PSMD12: variants seen among roughly 807,000 people sequenced by gnomAD.
PSMD12 encodes the protein 26S proteasome non-ATPase regulatory subunit 12.
A neutral mutation model predicts 62.9 loss-of-function variants in PSMD12; 8 were observed. The observed-to-expected ratio is 0.13, with a 90% CI of 0.07 to 0.23. The LOEUF (loss-of-function observed/expected upper bound fraction) is 0.23. Ranked by LOEUF, PSMD12 falls within the 10% of genes least tolerant of loss-of-function variation. PSMD12 has a pLI of 1.00. For missense variants in PSMD12, 424 were observed against 550.2 expected (o/e 0.77, Z 2.29); for synonymous variants, 173 against 187.4 (o/e 0.92, Z 0.63).
intron 5 of PSMD12, among the ~76,000 whole-genome samples, 166 bp downstream of exon 5, chr17:67,348,384 G>T (rs77794831): frequency 1.3e-5 from 2 of 152,250 alleles, no homozygotes; most frequent in East Asian, 3.9e-4. Context: ...ATGAGGAAAT[G>T]ACAATTTTCA....
At chr17:67,352,181 T>C (rs554799339) in intron 3 of PSMD12, among the ~76,000 whole-genome samples, 2 of 152,100 alleles carry the variant, frequency 1.3e-5, no homozygotes, top group South Asian at 4.2e-4. Flanking sequence ...CTACCTCAAA[T>C]TCCTGGGCTC....
In PSMD12 at chr17:67,340,696, G is replaced by A. The variant is rs2041905001; in HGVS notation, c.*147C>T. 1.8e-6 allele frequency: 1 copy of A among 544,640 alleles called. No homozygotes were observed. Among genetic ancestry groups the A allele is most frequent in the Middle Eastern group, 3.0e-4 (1 of 3,322 alleles). 33.7% of individuals were successfully genotyped at this position (544,640 alleles called of 1,614,324 possible). On this transcript the variant is annotated 3_prime_UTR_variant, in exon 11 of 11. Transcript: ENST00000356126. Reference sequence around the variant, plus strand: ...AAGTTAACAATGAACTTGGGGAACTGAAAGGTCAAAGGGAGTCTCAAACAT... The same window carrying A: ...AAGTTAACAATGAACTTGGGGAACTAAAAGGTCAAAGGGAGTCTCAAACAT...
At chr17:67,347,298 T>C (rs370160015) in intron 6 of PSMD12, 38 bp downstream of exon 6, 1 of 1,611,840 alleles carries the variant, frequency 6.2e-7, no homozygotes, top group Non-Finnish European at 8.5e-7. Flanking sequence ...GTTTTATTCA[T>C]ACTTTTAAAG....
At chr17:67,347,049 G>GCAGTTAAAAAGTTAAA (rs2041973679) in intron 7 of PSMD12, 67 bp downstream of exon 7, 1 of 1,486,662 alleles carries the variant, frequency 6.7e-7, no homozygotes, top group Non-Finnish European at 9.1e-7. Flanking sequence ...AAAAAGATTT[G>GCAGTTAAAAAGTTAAA]AAAATAAAAA....
At chr17:67,361,879 A>T (rs2042131609) in intron 1 of PSMD12, among the ~76,000 whole-genome samples, 5 of 17,998 alleles carry the variant, frequency 2.8e-4, no homozygotes, top group Non-Finnish European at 4.9e-4. Flanking sequence ...TATCTAAAAA[A>T]AAAAAAAAAA....
chr17:67,340,155 G>C lies in PSMD12; in HGVS notation c.*688C>G, dbSNP rs2041898717. 1 of 144,734 alleles carries C rather than the reference G, an allele frequency of 6.9e-6. No individual in the cohort carries two copies. The highest frequency in any genetic ancestry group is 7.0e-5 in the Admixed American group (1 of 14,272). 9.0% of individuals were successfully genotyped at this position (144,734 alleles called of 1,614,324 possible). A position where few individuals can be genotyped will look rare whatever the true frequency, so the allele number is the denominator to read the frequency against. On this transcript the variant is annotated 3_prime_UTR_variant, in exon 11 of 11. Coordinates refer to ENST00000356126, the MANE Select transcript of PSMD12 (RefSeq NM_002816.5). The stretch of plus-strand genomic sequence containing the variant: ...GAGCGGACTTAACACCCAATAAACT[G>C]TGTCAATTATGTCAGCTGATTCTGT...
chr17:67,357,676 C>A (rs2042088577), intron 1 of PSMD12, 98 bp from the exon 2 acceptor site: 2 of 1,221,764 alleles, frequency 1.6e-6, no homozygotes, highest in Non-Finnish European at 2.4e-6. Context: ...GAAAAATCAA[C>A]AGCCTCTTCT....
intron 3 of PSMD12, among the ~76,000 whole-genome samples, chr17:67,350,930 C>T (rs1490012040): frequency 6.6e-6 from 1 of 152,118 alleles, no homozygotes; most frequent in Non-Finnish European, 1.5e-5. Context: ...ACTTTGTGGG[C>T]CAGTCTCTGT....
chr17:67,357,944 CAG>C (rs751328132), intron 1 of PSMD12, among the ~76,000 whole-genome samples: 10 of 149,374 alleles, frequency 6.7e-5, no homozygotes, highest in South Asian at 4.2e-4. Context: ...TTTTTTGAGA[CAG>C]AGTCTCACTC....
At chr17:67,354,325 G>GCTTGAGC (rs1377052940) in intron 3 of PSMD12, among the ~76,000 whole-genome samples, 2 of 151,934 alleles carry the variant, frequency 1.3e-5, no homozygotes, top group African/African-American at 4.8e-5. Flanking sequence ...GGGGAGGACT[G>GCTTGAGC]CTTGAGCCTA....
chr17:67,362,365 G>A (rs1430796308), intron 1 of PSMD12, among the ~76,000 whole-genome samples: 2 of 152,136 alleles, frequency 1.3e-5, no homozygotes, highest in African/African-American at 2.4e-5. Context: ...TCACAGAGGC[G>A]GTAGAATGGT....
chr17:67,361,874 A>T (rs555915110), intron 1 of PSMD12, among the ~76,000 whole-genome samples: 159 of 3,618 alleles, frequency 0.044, no homozygotes, highest in South Asian at 0.076. Context: ...CCCTGTATCT[A>T]AAAAAAAAAA....
chr17:67,357,126 G>A, intron 3 of PSMD12, 177 bp downstream of exon 3: 1 of 638,014 alleles, frequency 1.6e-6, no homozygotes, highest in Non-Finnish European at 2.5e-6. Context: ...ATAAAGACTA[G>A]AAGAAAAAAC....
chr17:67,357,653 T>C, intron 1 of PSMD12, 75 bp from the exon 2 acceptor site: 1 of 1,467,122 alleles, frequency 6.8e-7, no homozygotes, highest in Non-Finnish European at 9.5e-7. Context: ...GAAATGGTTT[T>C]GACACAGAAA....
At position 67,340,685 on chromosome 17, in the gene PSMD12, C is replaced by G; in HGVS notation, c.*158G>C. On this transcript the variant is annotated 3_prime_UTR_variant, in exon 11 of 11. Transcript: ENST00000356126. ...TTGCAAATGCAAAGTTAACAATGAA[C>G]TTGGGGAACTGAAAGGTCAAAGGGA... The G allele has an allele frequency of 2.0e-6, 1 of 503,282 alleles. No individual in the cohort carries two copies. Among genetic ancestry groups the G allele is most frequent in the Middle Eastern group, 3.3e-4 (1 of 3,042 alleles). 31.2% of individuals were successfully genotyped at this position (503,282 alleles called of 1,614,324 possible). A position where few individuals can be genotyped will look rare whatever the true frequency, so the allele number is the denominator to read the frequency against.
At chr17:67,366,384 C>T (rs781704444) in intron 1 of PSMD12, 28 bp downstream of exon 1, 12 of 1,594,390 alleles carry the variant, frequency 7.5e-6, no homozygotes, top group South Asian at 1.1e-5. Context: ...CCCTGGCGCC[C>T]GCCAACAGCC....
intron 8 of PSMD12, 30 bp downstream of exon 8, chr17:67,345,715 A>C: frequency 6.5e-7 from 1 of 1,546,396 alleles, no homozygotes; most frequent in South Asian, 1.1e-5. Flanking sequence ...TTCGACTGAG[A>C]TATATCATGC....
intron 7 of PSMD12, among the ~76,000 whole-genome samples, chr17:67,346,854 C>G (rs2041971997): frequency 6.6e-6 from 1 of 152,084 alleles, no homozygotes; most frequent in Admixed American, 6.6e-5. Context: ...CAAAGTAATG[C>G]CGGGTCTTTA....
At chr17:67,345,567 A>G in intron 8 of PSMD12, 178 bp downstream of exon 8, 1 of 554,364 alleles carries the variant, frequency 1.8e-6, no homozygotes, top group Non-Finnish European at 3.2e-6. Context: ...ACTTGAACCC[A>G]GGAGGCAGAA....
Sources: gnomAD v4.1 joint callset for allele counts (sites outside exome capture counted in the v4.1 genomes callset) on GRCh38, gnomAD v4.1.1 for gene constraint, MANE v1.5 for transcripts, NCBI Gene and HGNC (gene_info 2026-07-23, HGNC 2026-07-21) for gene names.